ABCC5: variants seen among roughly 807,000 people sequenced by gnomAD.
ABCC5 encodes ATP-binding cassette sub-family C member 5.
A neutral mutation model predicts 160.9 loss-of-function variants in ABCC5; 61 were observed. The observed-to-expected ratio is 0.38, with a 90% CI of 0.31 to 0.47. The LOEUF is 0.47. ABCC5 is among the 20% of genes least tolerant of loss of function. The pLI is 0.99. For synonymous variants in ABCC5, 666 were observed against 700.6 expected (o/e 0.95, Z 0.78); for missense variants, 1,308 against 1,813.3 (o/e 0.72, Z 5.06).
intron 25 of ABCC5, chr3:183,942,291 C>T: frequency 2.3e-6 from 1 of 434,606 alleles, no homozygotes; most frequent in Admixed American, 2.4e-5. Context: ...GCCTCGCCCT[C>T]CCAAAGTGCT....
intron 18 of ABCC5, among the ~76,000 whole-genome samples, chr3:183,952,625 T>A (rs1715482672): frequency 6.6e-6 from 1 of 152,204 alleles, no homozygotes; most frequent in African/African-American, 2.4e-5. Flanking sequence ...TCTGACAGTT[T>A]AAAAGTGTTT....
At chr3:183,973,408 T>G (rs1477064548) in intron 10 of ABCC5, among the ~76,000 whole-genome samples, 4 of 152,152 alleles carry the variant, frequency 2.6e-5, no homozygotes, top group Admixed American at 2.0e-4. Context: ...ATTCACAGTA[T>G]GATTTAAAAT....
intron 26 of ABCC5, among the ~76,000 whole-genome samples, chr3:183,935,799 A>G (rs989419565): frequency 1.1e-4 from 17 of 152,280 alleles, no homozygotes; most frequent in Non-Finnish European, 2.5e-4. Context: ...ACCACGCCTG[A>G]CCAATAAATT....
rs1207770881 is a variant in ABCC5 at position 183,949,498 on chromosome 3, C to A, written c.3227+255G>T. On this transcript the variant is annotated intron_variant, in intron 22 of 29. Transcript: ENST00000334444. The surrounding 1 kb of genome is among the most constrained non-coding windows in gnomAD (Gnocchi z 4.2). ...GGCTCAAGCCATCCTCCAGCCTCAG[C>A]CTCCTGAGTAGCTGTGACTATAGGC... 2.6e-5 allele frequency among the ~76,000 whole-genome samples: 4 copies of A among 152,266 alleles called. No homozygotes were observed. The highest frequency in any genetic ancestry group is 9.6e-5 in the African/African-American group (4 of 41,476).
rs775682722 is a variant in ABCC5, at chr3:183,984,884, C to T, written c.592-1877G>A. 8.9e-6 allele frequency: 14 copies of T among 1,576,878 alleles called. No homozygotes were observed. In the African/African-American group the frequency reaches 1.7e-4, roughly 20 times the overall value. On this transcript the variant is annotated intron_variant, in intron 5 of 29. Coordinates refer to ENST00000334444, the MANE Select transcript of ABCC5 (RefSeq NM_005688.4). ...CACCTCGGCACTGATGGAGCAGTCT[C>T]CAAAGGAAGGCTGAAAGGACAGCAG...
chr3:183,988,521 G>C lies in ABCC5; in HGVS notation c.443+51C>G, dbSNP rs1202977868. The stretch of plus-strand genomic sequence containing the variant: ...CTGTGGACTTCACACTCCTAGCTCA[G>C]GCCCTGCCCACCCGGCATGGGGGAG... On this transcript the variant is annotated intron_variant, in intron 4 of 29. Coordinates refer to ENST00000334444, the MANE Select transcript of ABCC5 (RefSeq NM_005688.4). This position sits in a 1 kb window ranked among gnomAD's most constrained non-coding sequence, Gnocchi z 4.4. 6.4e-7 allele frequency: 1 copy of C among 1,571,756 alleles called. No homozygotes were observed. Among genetic ancestry groups the C allele is most frequent in the East Asian group, 2.2e-5 (1 of 44,736 alleles).
At position 183,982,308 on chromosome 3, in the gene ABCC5, C is replaced by T; in HGVS notation, c.999+143G>A. 1 of 904,320 alleles carries T rather than the reference C, an allele frequency of 1.1e-6. No homozygotes were observed. Among genetic ancestry groups the T allele is most frequent in the Non-Finnish European group, 1.7e-6 (1 of 602,664 alleles). 56.0% of individuals were successfully genotyped at this position (904,320 alleles called of 1,614,324 possible). ...CAAAATTCTGTCCCTATAGAGCAAG[C>T]ACTATCGAGCTCTAGATTGAACCTG... On this transcript the variant is annotated intron_variant, in intron 7 of 29. Coordinates refer to ENST00000334444, the MANE Select transcript of ABCC5 (RefSeq NM_005688.4). This position sits in a 1 kb window ranked among gnomAD's most constrained non-coding sequence, Gnocchi z 5.2.
intron 2 of ABCC5, among the ~76,000 whole-genome samples, chr3:184,008,949 T>C (rs1330168332): frequency 6.6e-6 from 1 of 152,224 alleles, no homozygotes; most frequent in Admixed American, 6.5e-5. Context: ...CTGGACCTCC[T>C]GGGCTCAAGT....
chr3:183,990,078 C>T (rs1232263461), intron 2 of ABCC5, among the ~76,000 whole-genome samples: 3 of 150,430 alleles, frequency 2.0e-5, no homozygotes, highest in African/African-American at 7.4e-5. Context: ...GCTGGGATTA[C>T]AGGCATGAGC....
rs747387186 is a variant in ABCC5, at chr3:183,982,547, G to A, written c.903C>T (p.Pro301=). Reference sequence around the variant, plus strand: ...AAATCATGCCTAAGATGGCAACAACGGGTCCTCCAGCCAGCAGGCTGCCAA... The same window carrying A: ...AAATCATGCCTAAGATGGCAACAACAGGTCCTCCAGCCAGCAGGCTGCCAA... ...AAVGSLLAGG[P]VVAILGMIYN... The change falls in exon 7 of 30, where the codon CCC becomes CCT. Residue 301 remains proline (P), a synonymous_variant. Transcript: ENST00000334444. This position sits in a 1 kb window ranked among gnomAD's most constrained non-coding sequence, Gnocchi z 5.2. 74 of 1,613,992 alleles carry A rather than the reference G, an allele frequency of 4.6e-5. No individual in the cohort carries two copies. In the East Asian group the frequency reaches 9.4e-4, roughly 20 times the overall value.
At chr3:183,936,383 T>C (rs930436965) in intron 26 of ABCC5, among the ~76,000 whole-genome samples, 1 of 152,182 alleles carries the variant, frequency 6.6e-6, no homozygotes, top group Non-Finnish European at 1.5e-5. Flanking sequence ...CAAAGTTCCT[T>C]GAGTTCAAAA....
At chr3:183,931,070 C>T (rs116597122) in intron 26 of ABCC5, among the ~76,000 whole-genome samples, 9,001 of 152,118 alleles carry the variant, frequency 0.059, 377 homozygotes, top group East Asian at 0.17. Context: ...AAATTAGGCA[C>T]AGTAAGAGAT....
chr3:183,923,617 T>G (rs1712224993), intron 29 of ABCC5, among the ~76,000 whole-genome samples: 1 of 152,176 alleles, frequency 6.6e-6, no homozygotes, highest in African/African-American at 2.4e-5. Flanking sequence ...AGCGAGACTC[T>G]GGCTCAAAAA....
chr3:183,942,591 G>GA, intron 25 of ABCC5, 136 bp downstream of exon 25: 2 of 1,102,442 alleles, frequency 1.8e-6, no homozygotes, highest in Non-Finnish European at 2.7e-6. Context: ...AATAAACCTA[G>GA]AAAATTGGTT....
At chr3:184,005,342 T>C (rs1176842086) in intron 2 of ABCC5, among the ~76,000 whole-genome samples, 2 of 152,190 alleles carry the variant, frequency 1.3e-5, no homozygotes, top group Non-Finnish European at 2.9e-5. Flanking sequence ...CTAGTAACAA[T>C]TGATTCTTTG....
At chr3:184,001,126 G>A (rs1436386661) in intron 2 of ABCC5, 1 of 417,296 alleles carries the variant, frequency 2.4e-6, no homozygotes, top group Non-Finnish European at 4.2e-6. Flanking sequence ...GGTGGCACGA[G>A]ATTGTAGTCC....
chr3:183,956,454 T>TTGGTTACATG (rs1374147550), intron 17 of ABCC5, among the ~76,000 whole-genome samples: 1 of 151,196 alleles, frequency 6.6e-6, no homozygotes, highest in African/African-American at 2.5e-5. Context: ...GTAAATCACA[T>TTGGTTACATG]CGGTTACATG....
intron 2 of ABCC5, among the ~76,000 whole-genome samples, chr3:183,989,665 T>A (rs1454422597): frequency 2.6e-5 from 4 of 151,580 alleles, no homozygotes; most frequent in Non-Finnish European, 5.9e-5. Context: ...CCCATATACC[T>A]CTGTACCTCT....
At position 183,961,556 on chromosome 3, in the gene ABCC5, A is replaced by C. The variant is rs1181231977; in HGVS notation, c.2334T>G (p.Ala778=). 6.2e-7 allele frequency: 1 copy of C among 1,614,198 alleles called. No individual in the cohort carries two copies. The change falls in exon 16 of 30, where the codon GCT becomes GCG. Residue 778 remains alanine, a synonymous_variant. Transcript: ENST00000334444. ...CCAGCAACAGGTTATTAAAAATGGT[A>C]GCATAGTCACCATTTAAATTCATCA... The part of the protein sequence containing the change: ...EELMNLNGDY[A]TIFNNLLLGE...
Sources: allele counts gnomAD v4.1 joint callset (sites outside exome capture counted in the v4.1 genomes callset), GRCh38; gene constraint gnomAD v4.1.1; non-coding constraint Gnocchi (gnomAD v3.1); transcripts MANE v1.5; gene names NCBI Gene and HGNC (gene_info 2026-07-23, HGNC 2026-07-21).